Variants in PRICKLE1 observed in about 807,000 individuals in gnomAD.
PRICKLE1 encodes the protein prickle-like protein 1.
In PRICKLE1, 14 loss-of-function variants were observed where a neutral mutation model predicts 70.2. That is an observed-to-expected ratio of 0.20 (90% CI 0.13 to 0.31). The LOEUF is 0.31. PRICKLE1 is among the 10% of genes least tolerant of loss of function. The pLI, the probability that PRICKLE1 is intolerant of heterozygous loss-of-function variation, is 1.00. For synonymous variants in PRICKLE1, 357 were observed against 379.9 expected (o/e 0.94, Z 0.70); for missense variants, 821 against 1,026.2 (o/e 0.80, Z 2.73).
intron 7 of PRICKLE1, among the ~76,000 whole-genome samples, chr12:42,461,264 A>G (rs759924400): frequency 6.6e-6 from 1 of 152,206 alleles, no homozygotes; most frequent in Non-Finnish European, 1.5e-5. Flanking sequence ...AAACTTTAAG[A>G]GCTCTTCACA....
intron 1 of PRICKLE1, among the ~76,000 whole-genome samples, chr12:42,565,503 A>C (rs1273067231): frequency 6.6e-6 from 1 of 152,222 alleles, no homozygotes; most frequent in East Asian, 1.9e-4. Context: ...ACTAGCACTA[A>C]ATAAAGCAGC....
At chr12:42,532,216 C>A (rs1299765612) in intron 1 of PRICKLE1, among the ~76,000 whole-genome samples, 1 of 152,184 alleles carries the variant, frequency 6.6e-6, no homozygotes, top group Non-Finnish European at 1.5e-5. Context: ...AGCAATTCTA[C>A]TTCTAACAGT....
intron 1 of PRICKLE1, among the ~76,000 whole-genome samples, chr12:42,537,493 C>G (rs1419085485): frequency 6.6e-6 from 1 of 152,076 alleles, no homozygotes. Context: ...ACAAATCTGC[C>G]AGGGAACAAA....
chr12:42,575,795 A>G (rs945579295), intron 1 of PRICKLE1, among the ~76,000 whole-genome samples: 6 of 152,210 alleles, frequency 3.9e-5, no homozygotes, highest in African/African-American at 1.2e-4. Flanking sequence ...TGCCTAAACT[A>G]GCCCATTCTG....
intron 1 of PRICKLE1, among the ~76,000 whole-genome samples, chr12:42,549,666 C>T (rs1277549701): frequency 1.3e-5 from 2 of 152,172 alleles, no homozygotes; most frequent in African/African-American, 4.8e-5. Context: ...ATAGATGGCT[C>T]ACTTATCTCT....
intron 1 of PRICKLE1, among the ~76,000 whole-genome samples, chr12:42,576,064 T>C (rs1347948897): frequency 1.3e-5 from 2 of 152,204 alleles, no homozygotes; most frequent in African/African-American, 2.4e-5. Context: ...GTAATGTTTG[T>C]ATTCCCAGAA....
chr12:42,464,193 G>A lies in PRICKLE1; in HGVS notation c.1639+202C>T, dbSNP rs552915067. Among the ~76,000 whole-genome samples the A allele has an allele frequency of 5.1e-4, 78 of 152,112 alleles. No individual in the cohort carries two copies. The South Asian group carries it at 8.9e-3, about 17-fold the overall frequency. Reference sequence around the variant, plus strand: ...ACAGGCCCATGCCCAGCTAATTTTTGTATTTTTAGTAGAGCCGCGGTTTCG... The same window carrying A: ...ACAGGCCCATGCCCAGCTAATTTTTATATTTTTAGTAGAGCCGCGGTTTCG... On this transcript the variant is annotated intron_variant, in intron 7 of 7. Coordinates refer to ENST00000345127, the MANE Select transcript of PRICKLE1 (RefSeq NM_153026.3). The surrounding 1 kb of genome is among the most constrained non-coding windows in gnomAD (Gnocchi z 4.2).
intron 1 of PRICKLE1, among the ~76,000 whole-genome samples, chr12:42,497,350 C>A (rs187055737): frequency 9.9e-5 from 15 of 151,992 alleles, no homozygotes; most frequent in East Asian, 3.9e-4. Flanking sequence ...TCAAGATCAT[C>A]CTGGCTAACA....
chr12:42,476,968 A>G (rs570829406), intron 1 of PRICKLE1, among the ~76,000 whole-genome samples: 1 of 152,292 alleles, frequency 6.6e-6, no homozygotes, highest in East Asian at 1.9e-4. Flanking sequence ...ATTTTTAAAG[A>G]TTGCTTGTAC....
intron 1 of PRICKLE1, among the ~76,000 whole-genome samples, chr12:42,529,760 G>A (rs545473406): frequency 3.3e-5 from 5 of 152,114 alleles, no homozygotes; most frequent in Admixed American, 3.3e-4. Flanking sequence ...GCCAGGTATG[G>A]TTGCGCATGC....
At chr12:42,515,489 C>T (rs1939595621) in intron 1 of PRICKLE1, among the ~76,000 whole-genome samples, 1 of 152,144 alleles carries the variant, frequency 6.6e-6, no homozygotes, top group African/African-American at 2.4e-5. Context: ...CCACCCGTCT[C>T]CCAAAGTGCT....
chr12:42,556,817 A>T (rs1003212173), intron 1 of PRICKLE1, among the ~76,000 whole-genome samples: 5 of 152,196 alleles, frequency 3.3e-5, no homozygotes, highest in African/African-American at 9.7e-5. Flanking sequence ...GTTTTGCAAA[A>T]TTGAATGTTC....
intron 1 of PRICKLE1, among the ~76,000 whole-genome samples, chr12:42,552,614 G>T (rs1940336097): frequency 6.6e-6 from 1 of 152,216 alleles, no homozygotes; most frequent in Non-Finnish European, 1.5e-5. Context: ...CAGAAGGAAG[G>T]CATCTCCTCT....
chr12:42,525,684 T>C (rs1204018889), intron 1 of PRICKLE1, among the ~76,000 whole-genome samples: 1 of 151,424 alleles, frequency 6.6e-6, no homozygotes, highest in Non-Finnish European at 1.5e-5. Context: ...TTGATTGTTG[T>C]GAGTGAGAGA....
intron 1 of PRICKLE1, among the ~76,000 whole-genome samples, chr12:42,477,192 G>C (rs1305281032): frequency 6.6e-6 from 1 of 151,658 alleles, no homozygotes; most frequent in African/African-American, 2.4e-5. Context: ...GACCAACATG[G>C]AGAAACCCCG....
intron 7 of PRICKLE1, among the ~76,000 whole-genome samples, chr12:42,462,408 C>T (rs1040459985): frequency 1.3e-5 from 2 of 151,958 alleles, no homozygotes; most frequent in South Asian, 2.1e-4. Context: ...GCTATGTTGG[C>T]CAGGCTGGTC....
At position 42,466,206 on chromosome 12, in the gene PRICKLE1, C is replaced by T; in HGVS notation, c.763G>A (p.Gly255Arg). 6.2e-7 allele frequency: 1 copy of T among 1,614,148 alleles called. No individual in the cohort carries two copies. Among genetic ancestry groups the T allele is most frequent in the Non-Finnish European group, 8.5e-7 (1 of 1,180,020 alleles). Residue 255 changes from glycine (G) to arginine (R), a missense_variant, in exon 6 of 8, where the codon GGG (glycine) becomes AGG (arginine). Physicochemically the swap from Gly to Arg is moderately radical, Grantham distance 125. Transcript: ENST00000345127. ...GCTGTGGACTTACCAATATGTTCCC[C>T]ACAGGTTTCACAGTACTCCGCATAG... ...SLYAEYCETC[G>R]EHIGVDHAQM...
chr12:42,470,916 A>G (rs1938296709), intron 2 of PRICKLE1, among the ~76,000 whole-genome samples: 1 of 152,110 alleles, frequency 6.6e-6, no homozygotes, highest in Non-Finnish European at 1.5e-5. Context: ...AAAAAAAAAA[A>G]AAAGACTACT....
intron 1 of PRICKLE1, among the ~76,000 whole-genome samples, chr12:42,571,538 T>C (rs935888332): frequency 2.0e-5 from 3 of 152,208 alleles, no homozygotes; most frequent in Non-Finnish European, 1.5e-5. Context: ...AGGAAGCAGA[T>C]GAACTCCCTG....
Sources: allele counts gnomAD v4.1 joint callset (sites outside exome capture counted in the v4.1 genomes callset), GRCh38; gene constraint gnomAD v4.1.1; non-coding constraint Gnocchi (gnomAD v3.1); transcripts MANE v1.5; gene names NCBI Gene and HGNC (gene_info 2026-07-23, HGNC 2026-07-21).